The following CILK1 variants were observed in gnomAD, a reference collection of about 807,000 sequenced individuals.
The protein encoded by CILK1 is ciliogenesis associated kinase 1.
A neutral mutation model predicts 79.2 loss-of-function variants in CILK1; 47 were observed. That is an observed-to-expected ratio of 0.59 (90% CI 0.47 to 0.76). The LOEUF is 0.76. CILK1 is among the 30% of genes least tolerant of loss of function. The probability of loss-of-function intolerance (pLI) is 0.00; values close to 1 mark genes in which losing one functional copy is unlikely to be tolerated. For synonymous variants in CILK1, 266 were observed against 275.9 expected (o/e 0.96, Z 0.36); for missense variants, 660 against 769.5 (o/e 0.86, Z 1.68).
chr6:53,036,130 C>T (rs1766315164), intron 3 of CILK1, among the ~76,000 whole-genome samples: 1 of 152,172 alleles, frequency 6.6e-6, no homozygotes, highest in African/African-American at 2.4e-5. Context: ...TTTTTCTAAA[C>T]TGTATATATG....
At chr6:53,043,768 G>T (rs1190283793) in intron 1 of CILK1, among the ~76,000 whole-genome samples, 2 of 152,226 alleles carry the variant, frequency 1.3e-5, no homozygotes, top group South Asian at 2.1e-4. Flanking sequence ...GTGGATGGGA[G>T]GGGGGAAGCA....
At chr6:53,015,307 G>A (rs1019574069) in intron 8 of CILK1, among the ~76,000 whole-genome samples, 3 of 152,200 alleles carry the variant, frequency 2.0e-5, no homozygotes, top group Admixed American at 6.5e-5. Context: ...TGAGTGATAA[G>A]AGCCCCCAGC....
intron 1 of CILK1, among the ~76,000 whole-genome samples, chr6:53,045,014 A>G (rs914180349): frequency 2.0e-5 from 3 of 152,232 alleles, no homozygotes; most frequent in African/African-American, 7.2e-5. Context: ...GTATTCTTGC[A>G]ATTTATGTAA....
intron 4 of CILK1, among the ~76,000 whole-genome samples, chr6:53,032,085 G>A (rs1766006357): frequency 6.6e-6 from 1 of 152,170 alleles, no homozygotes; most frequent in African/African-American, 2.4e-5. Context: ...GCCCGCCTTG[G>A]CCTCCCAAAG....
intron 2 of CILK1, among the ~76,000 whole-genome samples, chr6:53,038,979 C>T (rs893751169): frequency 8.5e-5 from 13 of 152,220 alleles, no homozygotes; most frequent in African/African-American, 3.1e-4. Flanking sequence ...GATAGGACAG[C>T]TGAGGAAACA....
intron 5 of CILK1, among the ~76,000 whole-genome samples, chr6:53,025,590 T>A (rs551144279): frequency 6.6e-6 from 1 of 152,282 alleles, no homozygotes; most frequent in East Asian, 1.9e-4. Context: ...TCCCCACATA[T>A]CCCTTTAAGC....
chr6:53,010,065 TCTC>T (rs2127405334), intron 11 of CILK1, among the ~76,000 whole-genome samples: 1 of 152,234 alleles, frequency 6.6e-6, no homozygotes, highest in East Asian at 1.9e-4. Context: ...CCTTTATCCT[TCTC>T]CTTCTTCCCC....
rs781292698 is a variant in CILK1 at position 53,013,816 on chromosome 6, A to G, written c.998T>C (p.Ile333Thr). 1 of 1,613,860 alleles carries G rather than the reference A, an allele frequency of 6.2e-7. No individual in the cohort carries two copies. The highest frequency in any genetic ancestry group is 1.7e-5 in the Admixed American group (1 of 60,008). Residue 333 changes from isoleucine to threonine, a missense_variant, in exon 9 of 14, where the codon ATT becomes ACT. By Grantham distance (89) the Ile-to-Thr change is moderately conservative (BLOSUM62 -1). Coordinates refer to ENST00000676107, the MANE Select transcript of CILK1 (RefSeq NM_014920.5). ...AQPPAKPHTRISSRQHQASQP... is the reference protein window; with the variant it reads ...AQPPAKPHTRTSSRQHQASQP... ...GCTGGCTTGATGCTGTCGTGAAGAA[A>G]TTCGTGTGTGTGGCTTGGCTGGTGG...
intron 7 of CILK1, 64 bp from the exon 8 acceptor site, chr6:53,016,314 G>A (rs1205500760): frequency 6.4e-7 from 1 of 1,554,452 alleles, no homozygotes; most frequent in Non-Finnish European, 8.9e-7. Context: ...TTTGTATTCT[G>A]GCATGTGTGC....
intron 1 of CILK1, among the ~76,000 whole-genome samples, chr6:53,047,662 G>A (rs1767186655): frequency 6.6e-6 from 1 of 151,912 alleles, no homozygotes; most frequent in African/African-American, 2.4e-5. Context: ...AGTTTTTAAA[G>A]CAGAGAAACA....
chr6:53,027,165 A>AG (rs991647050), intron 5 of CILK1, among the ~76,000 whole-genome samples: 1 of 152,258 alleles, frequency 6.6e-6, no homozygotes, highest in African/African-American at 2.4e-5. Context: ...AGCAATGCAT[A>AG]GAAAGGCAAT....
chr6:53,055,911 G>T (rs1266793468), intron 1 of CILK1, among the ~76,000 whole-genome samples: 1 of 152,158 alleles, frequency 6.6e-6, no homozygotes. Flanking sequence ...CCTTTACCCT[G>T]CCATGTGTGA....
At chr6:53,042,585 T>C (rs1316615969) in intron 1 of CILK1, among the ~76,000 whole-genome samples, 1 of 152,218 alleles carries the variant, frequency 6.6e-6, no homozygotes, top group Non-Finnish European at 1.5e-5. Context: ...TATGCTCCTT[T>C]TAAAGTCATT....
chr6:53,018,006 G>T (rs1764992648), intron 7 of CILK1, among the ~76,000 whole-genome samples: 1 of 152,176 alleles, frequency 6.6e-6, no homozygotes. Flanking sequence ...ATAATGGAGG[G>T]AGGCAGCGGC....
At chr6:53,026,453 A>C (rs1765586647) in intron 5 of CILK1, among the ~76,000 whole-genome samples, 1 of 152,090 alleles carries the variant, frequency 6.6e-6, no homozygotes, top group African/African-American at 2.4e-5. Context: ...CCAGCCTATA[A>C]AGCTTTTTGA....
chr6:53,031,897 G>A (rs222454), intron 4 of CILK1, among the ~76,000 whole-genome samples: 111,645 of 152,014 alleles, frequency 0.73, 41,380 homozygotes, highest in East Asian at 0.93. Flanking sequence ...GCAATGGTGC[G>A]ATGTCCGCTC....
chr6:53,027,510 C>G (rs115773111), intron 5 of CILK1, among the ~76,000 whole-genome samples: 1 of 152,174 alleles, frequency 6.6e-6, no homozygotes, highest in African/African-American at 2.4e-5. Context: ...AAGTCTACCC[C>G]CCAGAGGCAG....
chr6:53,018,337 G>A lies in CILK1; in HGVS notation c.656C>T (p.Pro219Leu), dbSNP rs1297661405. The A allele has an allele frequency of 6.2e-7, 1 of 1,613,860 alleles. No homozygotes were observed. The highest frequency in any genetic ancestry group is 8.5e-7 in the Non-Finnish European group (1 of 1,179,940). The change falls in exon 7 of 14, where the codon CCA becomes CTA. Residue 219 changes from proline (P) to leucine (L), a missense_variant. Coordinates refer to ENST00000676107, the MANE Select transcript of CILK1 (RefSeq NM_014920.5). ...TTTGTTTTGTATCATTACCTTTTTT[G>A]GTGTCCCCAGCACTTGGCAAATTTT... ...IFKICQVLGT[P>L]KKTDWPEGYQ...
intron 5 of CILK1, among the ~76,000 whole-genome samples, chr6:53,023,923 G>A (rs2127427552): frequency 6.6e-6 from 1 of 152,300 alleles, no homozygotes; most frequent in Middle Eastern, 3.4e-3. Flanking sequence ...TACAGAAGGG[G>A]ATGAAGGTAT....
Sources: gnomAD v4.1 joint callset for allele counts (sites outside exome capture counted in the v4.1 genomes callset) on GRCh38, gnomAD v4.1.1 for gene constraint, MANE v1.5 for transcripts, NCBI Gene and HGNC (gene_info 2026-07-23, HGNC 2026-07-21) for gene names.